The following SETD5 variants were observed in gnomAD, a reference collection of about 807,000 sequenced individuals.
SETD5 encodes the protein histone-lysine N-methyltransferase SETD5.
In SETD5, 44 loss-of-function variants were observed where a neutral mutation model predicts 153.3. That is an observed-to-expected ratio of 0.29 (90% CI 0.23 to 0.37). The LOEUF is 0.37. SETD5 is among the 10% of genes least tolerant of loss of function. The pLI, the probability that SETD5 is intolerant of heterozygous loss-of-function variation, is 1.00. For synonymous variants in SETD5, 716 were observed against 645.2 expected (o/e 1.11, Z -1.66); for missense variants, 1,544 against 1,768.0 (o/e 0.87, Z 2.27).
At position 9,475,754 on chromosome 3, in the gene SETD5, C is replaced by T. The variant is rs779841795; in HGVS notation, c.3992C>T (p.Thr1331Ile). 2 of 1,614,004 alleles carry T rather than the reference C, an allele frequency of 1.2e-6. No homozygotes were observed. Among genetic ancestry groups the T allele is most frequent in the Non-Finnish European group, 8.5e-7 (1 of 1,179,874 alleles). Residue 1331 changes from threonine (T) to isoleucine (I), a missense_variant, in exon 23 of 23, where the codon ACT becomes ATT. Physicochemically the swap from Thr to Ile is moderately conservative, Grantham distance 89. Around this residue, in one of 9 missense-constraint regions of SETD5, gnomAD observed 302 missense variants for 277.6 expected, o/e 1.09. Transcript: ENST00000402198. ...FSSQPHSGNSTGSNLPRRSCP... is the reference protein window; with the variant it reads ...FSSQPHSGNSIGSNLPRRSCP... Reference sequence around the variant, plus strand: ...AGCCAGCCACATTCTGGAAACAGCACTGGCAGCAATCTTCCAAGGAGGAGC... The same window carrying T: ...AGCCAGCCACATTCTGGAAACAGCATTGGCAGCAATCTTCCAAGGAGGAGC...
chr3:9,447,295 T>G lies in SETD5; in HGVS notation c.1770T>G (p.Ser590=), dbSNP rs533835838. Residue 590 remains serine, a synonymous_variant, in exon 14 of 23, where the codon TCT becomes TCG. Coordinates refer to ENST00000402198, the MANE Select transcript of SETD5 (RefSeq NM_001080517.3). ...PQSVGVNTRR[S]SQAGDIAAEK... The stretch of plus-strand genomic sequence containing the variant: ...GTGTTGGTGTGAATACCCGGAGGTC[T>G]TCCCAAGCAGGGGTAAGAGTTGAAA... The G allele has an allele frequency of 6.2e-7, 1 of 1,612,948 alleles. No individual in the cohort carries two copies. Among genetic ancestry groups the G allele is most frequent in the African/African-American group, 1.3e-5 (1 of 74,950 alleles).
At chr3:9,464,096 C>T (rs1372144179) in intron 17 of SETD5, among the ~76,000 whole-genome samples, 4 of 152,028 alleles carry the variant, frequency 2.6e-5, no homozygotes, top group Admixed American at 1.3e-4. Context: ...CCATTGCACT[C>T]CAGCCTTAGC....
At position 9,476,571 on chromosome 3, in the gene SETD5, G is replaced by A. The variant is rs752156125; in HGVS notation, c.*480G>A. ...TTTTATGCACTTAAGAAAAAAGGTAGGTATGTAAATGTTCATCCTAAGACA... is the reference window on the plus strand; with the variant it reads ...TTTTATGCACTTAAGAAAAAAGGTAAGTATGTAAATGTTCATCCTAAGACA... On this transcript the variant is annotated 3_prime_UTR_variant, in exon 23 of 23. Coordinates refer to ENST00000402198, the MANE Select transcript of SETD5 (RefSeq NM_001080517.3). 1 of 154,992 alleles carries A rather than the reference G, an allele frequency of 6.5e-6. No individual in the cohort carries two copies. The highest frequency in any genetic ancestry group is 1.4e-5 in the Non-Finnish European group (1 of 69,592). 9.6% of individuals were successfully genotyped at this position (154,992 alleles called of 1,614,324 possible). A position where few individuals can be genotyped will look rare whatever the true frequency, so the allele number is the denominator to read the frequency against.
chr3:9,413,648 G>GT (rs746640377), intron 1 of SETD5, among the ~76,000 whole-genome samples: 1 of 119,132 alleles, frequency 8.4e-6, no homozygotes, highest in African/African-American at 3.4e-5. Flanking sequence ...GGGGGAGGCG[G>GT]GGTGTGTGTG....
chr3:9,470,513 A>G lies in SETD5; in HGVS notation c.2779A>G (p.Thr927Ala), dbSNP rs1364854385. Residue 927 changes from threonine (T) to alanine (A), a missense_variant, in exon 19 of 23, where the codon ACT (threonine) becomes GCT (alanine). Physicochemically the swap from Thr to Ala is moderately conservative, Grantham distance 58. Around this residue, in one of 9 missense-constraint regions of SETD5, gnomAD observed 782 missense variants for 787.2 expected, o/e 0.99. Transcript: ENST00000402198. ...AAAAGTAGGATACCTTGACTCCAAC[A>G]CTAACAGCTGTGCTGATAGACCTTC... ...LAKVGYLDSN[T>A]NSCADRPSLL... 6.2e-7 allele frequency: 1 copy of G among 1,613,934 alleles called. No homozygotes were observed. The highest frequency in any genetic ancestry group is 1.1e-5 in the South Asian group (1 of 91,080).
At chr3:9,450,959 G>A (rs973371501) in intron 16 of SETD5, among the ~76,000 whole-genome samples, 2 of 152,124 alleles carry the variant, frequency 1.3e-5, no homozygotes, top group African/African-American at 2.4e-5. Flanking sequence ...GATATCCCTA[G>A]AGTTTCTAAA....
chr3:9,438,201 G>A (rs1328676235), intron 7 of SETD5, among the ~76,000 whole-genome samples: 1 of 152,168 alleles, frequency 6.6e-6, no homozygotes, highest in Non-Finnish European at 1.5e-5. Context: ...AGCATCAGAG[G>A]CCTGGGATGT....
At position 9,464,376 on chromosome 3, in the gene SETD5, TA is replaced by T. The variant is rs1176913617; in HGVS notation, c.2477-46del. The T allele has an allele frequency of 7.0e-6, 11 of 1,579,534 alleles. No homozygotes were observed. The African/African-American group carries it at 1.5e-4, about 21-fold the overall frequency. ...GATTAATGGCTTTACTGTAGAGCCT[TA>T]AATTAATCTGTGGTTTCAAACTCTC... On this transcript the variant is annotated intron_variant, in intron 17 of 22. Transcript: ENST00000402198.
In SETD5 at chr3:9,476,152, T is replaced by C; in HGVS notation, c.*61T>C. 1.3e-6 allele frequency: 2 copies of C among 1,553,354 alleles called. No individual in the cohort carries two copies. Among genetic ancestry groups the C allele is most frequent in the Non-Finnish European group, 8.7e-7 (1 of 1,147,632 alleles). On this transcript the variant is annotated 3_prime_UTR_variant, in exon 23 of 23. Transcript: ENST00000402198. ...CCATAGCTGCTTCCTTCCAGCTGCC[T>C]CTGGAACCTAGGCCGAGCATATTGC...
rs1421204500 is a variant in SETD5 at position 9,441,704 on chromosome 3, C to A, written c.922C>A (p.Arg308=). 6.2e-7 allele frequency: 1 copy of A among 1,613,922 alleles called. No individual in the cohort carries two copies. Among genetic ancestry groups the A allele is most frequent in the Non-Finnish European group, 8.5e-7 (1 of 1,179,856 alleles). The change falls in exon 9 of 23, where the codon CGA becomes AGA. Residue 308 remains arginine (R), a synonymous_variant. Transcript: ENST00000402198. ...AGAGTATCGTGGGAAAGTCATGTTA[C>A]GACAGCAATTTGAGGTCAATGGGCA... The part of the protein sequence containing the change: ...IIEYRGKVML[R]QQFEVNGHFF...
chr3:9,446,410 T>A (rs1312947219), intron 13 of SETD5, among the ~76,000 whole-genome samples: 1 of 152,144 alleles, frequency 6.6e-6, no homozygotes, highest in Non-Finnish European at 1.5e-5. Flanking sequence ...GAAGTTTTTT[T>A]AAACCCTTTT....
chr3:9,474,648 T>C, intron 21 of SETD5, 66 bp downstream of exon 21: 3 of 1,576,552 alleles, frequency 1.9e-6, no homozygotes, highest in Non-Finnish European at 2.6e-6. Context: ...GTACAGTTCA[T>C]GCCTAGTGCT....
rs868669559 is a variant in SETD5, at chr3:9,453,937, A to T, written c.2476+69A>T. The T allele has an allele frequency of 2.8e-6, 4 of 1,428,160 alleles. No homozygotes were observed. The South Asian group carries it at 6.4e-5, about 23-fold the overall frequency. The allele number at this position is 1,428,160 out of a possible 1,614,324, so 88.5% of individuals were successfully genotyped here. On this transcript the variant is annotated intron_variant, in intron 17 of 22. Coordinates refer to ENST00000402198, the MANE Select transcript of SETD5 (RefSeq NM_001080517.3). ...TCAGGTCTGCATAAAAAATTTAAGTATGAGTATTTCTGATACAAAAAGAAA... is the reference window on the plus strand; with the variant it reads ...TCAGGTCTGCATAAAAAATTTAAGTTTGAGTATTTCTGATACAAAAAGAAA...
chr3:9,453,050 T>G (rs372467863), intron 16 of SETD5, among the ~76,000 whole-genome samples: 15 of 152,200 alleles, frequency 9.9e-5, no homozygotes, highest in Non-Finnish European at 1.3e-4. Context: ...CAGTTTATTA[T>G]TCTAATCTTT....
chr3:9,400,391 CAG>C (rs2034565203), intron 1 of SETD5, among the ~76,000 whole-genome samples: 1 of 152,112 alleles, frequency 6.6e-6, no homozygotes, highest in South Asian at 2.1e-4. Context: ...AAGAAAATAA[CAG>C]GAATTTTTTC....
intron 17 of SETD5, among the ~76,000 whole-genome samples, chr3:9,455,178 T>C (rs1220155163): frequency 7.0e-6 from 1 of 143,438 alleles, no homozygotes; most frequent in African/African-American, 2.6e-5. Flanking sequence ...CTTTTTTTTT[T>C]TTTTTTTTTT....
Position 9,470,456 on chromosome 3 carries a change from C to T in SETD5, c.2725-3C>T. 3 of 1,605,012 alleles carry T rather than the reference C, an allele frequency of 1.9e-6. No individual in the cohort carries two copies. Among genetic ancestry groups the T allele is most frequent in the Non-Finnish European group, 2.6e-6 (3 of 1,173,680 alleles). ...ATGTCTCCGTTGATTTTTATTCTTTCAGCTTTGTCACCGAAAAGACCTGGA... is the reference window on the plus strand; with the variant it reads ...ATGTCTCCGTTGATTTTTATTCTTTTAGCTTTGTCACCGAAAAGACCTGGA... On this transcript the variant is annotated splice_region_variant and splice_polypyrimidine_tract_variant and intron_variant, in intron 18 of 22. Coordinates refer to ENST00000402198, the MANE Select transcript of SETD5 (RefSeq NM_001080517.3).
At chr3:9,456,424 G>C (rs1575526471) in intron 17 of SETD5, among the ~76,000 whole-genome samples, 1 of 148,890 alleles carries the variant, frequency 6.7e-6, no homozygotes, top group East Asian at 2.0e-4. Context: ...AGTGAGACGA[G>C]ATTGCGCCAC....
intron 17 of SETD5, among the ~76,000 whole-genome samples, chr3:9,460,991 T>C (rs925056501): frequency 6.6e-6 from 1 of 152,116 alleles, no homozygotes; most frequent in Non-Finnish European, 1.5e-5. Flanking sequence ...ACAAAACATA[T>C]AGCAGAGACT....
Sources: gnomAD v4.1 joint callset for allele counts (sites outside exome capture counted in the v4.1 genomes callset) on GRCh38, gnomAD v4.1.1 for gene constraint, gnomAD v4.1.1 regional missense constraint, MANE v1.5 for transcripts, NCBI Gene and HGNC (gene_info 2026-07-23, HGNC 2026-07-21) for gene names.